The following GRIK3 variants were observed in gnomAD, a reference collection of about 807,000 sequenced individuals.
The protein encoded by GRIK3 is glutamate ionotropic receptor kainate type subunit 3, also known as glutamate receptor ionotropic, kainate 3.
In GRIK3, 29 loss-of-function variants were observed where a neutral mutation model predicts 102.5. The ratio of observed to expected loss-of-function variants is 0.28; its 90% CI spans 0.21 to 0.39. The LOEUF is 0.39. Among genes scored for constraint, GRIK3 ranks in the 10% least tolerant of loss-of-function variants. The pLI, the probability that GRIK3 is intolerant of heterozygous loss-of-function variation, is 1.00. For synonymous variants in GRIK3, 511 were observed against 504.9 expected (o/e 1.01, Z -0.16); for missense variants, 908 against 1,252.4 (o/e 0.73, Z 4.15).
At chr1:36,929,157 A>C (rs1641561216) in intron 1 of GRIK3, among the ~76,000 whole-genome samples, 2 of 152,146 alleles carry the variant, frequency 1.3e-5, no homozygotes, top group African/African-American at 4.8e-5. Flanking sequence ...CTTCAGAGTC[A>C]GGCATTACAA....
chr1:36,991,227 C>A (rs1171487312), intron 1 of GRIK3, among the ~76,000 whole-genome samples: 1 of 152,194 alleles, frequency 6.6e-6, no homozygotes, highest in East Asian at 1.9e-4. Flanking sequence ...GCATCTAGAA[C>A]GGTGTAGGTA....
At chr1:37,026,057 G>C (rs1463594621) in intron 1 of GRIK3, among the ~76,000 whole-genome samples, 1 of 152,180 alleles carries the variant, frequency 6.6e-6, no homozygotes, top group Non-Finnish European at 1.5e-5. Flanking sequence ...ACCCTCTCCA[G>C]TCTCCAGTGG....
At chr1:36,807,574 G>A (rs1642515082) in intron 13 of GRIK3, among the ~76,000 whole-genome samples, 1 of 152,180 alleles carries the variant, frequency 6.6e-6, no homozygotes, top group Non-Finnish European at 1.5e-5. Context: ...TGGGGAAGAA[G>A]CCATGCCTGC....
intron 4 of GRIK3, among the ~76,000 whole-genome samples, chr1:36,871,105 C>A (rs542009766): frequency 6.6e-6 from 1 of 152,132 alleles, no homozygotes; most frequent in African/African-American, 2.4e-5. Context: ...ACTGAAGCCT[C>A]CATAATGGTA....
At chr1:36,836,754 G>C (rs1042866266) in intron 10 of GRIK3, among the ~76,000 whole-genome samples, 1 of 152,154 alleles carries the variant, frequency 6.6e-6, no homozygotes, top group East Asian at 1.9e-4. Flanking sequence ...TCCATTTCCC[G>C]TGGCCTGCAG....
rs770882718 is a variant in GRIK3, at chr1:36,815,750, GTTTC to G, written c.2091+1306_2091+1309del. On this transcript the variant is annotated intron_variant, in intron 13 of 15. Coordinates refer to ENST00000373091, the MANE Select transcript of GRIK3 (RefSeq NM_000831.4). ...TCTGAGGGTGGGGCCTGCAAGCTGT[GTTTC>G]TTTCTTTCTTTTTTTTATTTTTTGA... Among the ~76,000 whole-genome samples, 8 of 152,144 alleles carry G rather than the reference GTTTC, an allele frequency of 5.3e-5. 1 individual carries two copies. Among genetic ancestry groups the G allele is most frequent in the African/African-American group, 1.9e-4 (8 of 41,516 alleles).
At chr1:36,839,586 T>C (rs890120916) in intron 10 of GRIK3, among the ~76,000 whole-genome samples, 2 of 152,198 alleles carry the variant, frequency 1.3e-5, no homozygotes, top group Admixed American at 6.5e-5. Flanking sequence ...GACATGGTGA[T>C]GACATGTAAT....
At position 36,823,153 on chromosome 1, in the gene GRIK3, T is replaced by C. The variant is rs112756755; in HGVS notation, c.1754+2450A>G. 2.2e-3 allele frequency among the ~76,000 whole-genome samples: 334 copies of C among 152,148 alleles called. 1 individual carries two copies. Among genetic ancestry groups the C allele is most frequent in the African/African-American group, 7.7e-3 (319 of 41,530 alleles). ...GATGGCCGCATTCACCCTACAGATA[T>C]GTTGTGCTTGACCCTGCCAGTGTTA... On this transcript the variant is annotated intron_variant, in intron 11 of 15. Transcript: ENST00000373091.
intron 1 of GRIK3, among the ~76,000 whole-genome samples, chr1:36,939,196 G>T (rs964288181): frequency 3.3e-5 from 5 of 152,236 alleles, no homozygotes; most frequent in African/African-American, 1.2e-4. Context: ...AACATGAAAA[G>T]CTGATCATGT....
rs755147527 is a variant in GRIK3 at position 36,880,854 on chromosome 1, G to A, written c.330C>T (p.Phe110=). The change falls in exon 3 of 16, where the codon TTC becomes TTT. Residue 110 remains phenylalanine (F), a synonymous_variant. Coordinates refer to ENST00000373091, the MANE Select transcript of GRIK3 (RefSeq NM_000831.4). The surrounding 1 kb of genome is among the most constrained non-coding windows in gnomAD (Gnocchi z 5.4). ...TGGTGCAGGAGCCCTGTGATGGGCC[G>A]AAGATCGCCACCACGCCCAGTGCCA... The part of the protein sequence containing the change: ...DQLALGVVAI[F]GPSQGSCTNA... 1.2e-5 allele frequency: 20 copies of A among 1,612,882 alleles called. No homozygotes were observed. Among genetic ancestry groups the A allele is most frequent in the Middle Eastern group, 3.3e-4 (2 of 6,082 alleles).
chr1:36,832,265 A>G (rs1640311219), intron 10 of GRIK3, among the ~76,000 whole-genome samples: 2 of 152,196 alleles, frequency 1.3e-5, no homozygotes, highest in Admixed American at 1.3e-4. Flanking sequence ...AGTGTCTGGC[A>G]CATAGTAGGC....
At chr1:36,930,890 A>C (rs551313327) in intron 1 of GRIK3, among the ~76,000 whole-genome samples, 1 of 152,366 alleles carries the variant, frequency 6.6e-6, no homozygotes, top group Non-Finnish European at 1.5e-5. Flanking sequence ...GAGCTCAGCC[A>C]ACGAAACAGG....
chr1:37,007,628 G>A (rs979890827), intron 1 of GRIK3, among the ~76,000 whole-genome samples: 6 of 152,334 alleles, frequency 3.9e-5, no homozygotes, highest in South Asian at 2.1e-4. Flanking sequence ...AAACGCTCCC[G>A]CACTATGTGC....
At chr1:37,004,730 CTT>C (rs1642513462) in intron 1 of GRIK3, among the ~76,000 whole-genome samples, 2 of 152,252 alleles carry the variant, frequency 1.3e-5, no homozygotes, top group Admixed American at 6.5e-5. Context: ...ACATGTGTGA[CTT>C]AGGCAGGGTG....
intron 1 of GRIK3, among the ~76,000 whole-genome samples, chr1:36,983,864 C>T (rs982824328): frequency 1.3e-5 from 2 of 152,188 alleles, no homozygotes; most frequent in South Asian, 2.1e-4. Context: ...TGGGCATCCA[C>T]GAGGTGCCTG....
At chr1:36,814,521 C>CA (rs1642602021) in intron 13 of GRIK3, among the ~76,000 whole-genome samples, 2 of 125,760 alleles carry the variant, frequency 1.6e-5, no homozygotes, top group Admixed American at 1.6e-4. Flanking sequence ...CCCCCCCCCC[C>CA]ACACACAGAG....
Position 36,853,639 on chromosome 1 carries a change from G to A in GRIK3, c.1188C>T (p.Ser396=). The A allele has an allele frequency of 6.2e-7, 1 of 1,612,616 alleles. No individual in the cohort carries two copies. Among genetic ancestry groups the A allele is most frequent in the South Asian group, 1.1e-5 (1 of 91,054 alleles). The change falls in exon 8 of 16, where the codon AGC becomes AGT. Residue 396 remains serine (S), a synonymous_variant. Transcript: ENST00000373091. ...CCTTCTCCAGGCCATCCTCTTTCAG[G>A]CTGATGATGTCCAGATCAAAATCCG... is the stretch of plus-strand genomic sequence containing the variant. ...LRTDFDLDII[S]LKEDGLEKVG...
chr1:36,803,211 CAGA>C (rs1226535338), intron 15 of GRIK3, among the ~76,000 whole-genome samples: 2 of 152,010 alleles, frequency 1.3e-5, no homozygotes, highest in African/African-American at 4.8e-5. Context: ...CAAGAATGAC[CAGA>C]AGATGTCAAG....
chr1:37,012,250 A>G (rs1290497259), intron 1 of GRIK3, among the ~76,000 whole-genome samples: 1 of 152,254 alleles, frequency 6.6e-6, no homozygotes, highest in Admixed American at 6.5e-5. Flanking sequence ...TTTGTAAAAA[A>G]TAACCATGTG....
Sources: allele counts gnomAD v4.1 joint callset (sites outside exome capture counted in the v4.1 genomes callset), GRCh38; gene constraint gnomAD v4.1.1; non-coding constraint Gnocchi (gnomAD v3.1); transcripts MANE v1.5; gene names NCBI Gene and HGNC (gene_info 2026-07-23, HGNC 2026-07-21).